Variants in SLC22A25 observed in about 807,000 individuals in gnomAD.
SLC22A25 encodes the protein MGI:2442751, MGI:2385316, MGI:3042283, MGI:3645714, MGI:3605624, MGI:2442750.
In SLC22A25, 44 loss-of-function variants were observed where a neutral mutation model predicts 45.9. That is an observed-to-expected ratio of 0.96 (90% confidence interval 0.75 to 1.23). The LOEUF (loss-of-function observed/expected upper bound fraction) is 1.23, where lower values mean the gene tolerates loss of function less well. SLC22A25 is among the 50% of genes most tolerant of loss of function. The probability of loss-of-function intolerance (pLI) is 0.00; values close to 1 mark genes in which losing one functional copy is unlikely to be tolerated. For missense variants in SLC22A25, 800 were observed against 666.4 expected, an observed-to-expected ratio of 1.20 and a Z score of -2.21; for synonymous variants, 283 against 238.6, an observed-to-expected ratio of 1.19 and a Z score of -1.72.
intron 7 of SLC22A25, among the ~76,000 whole-genome samples, chr11:63,199,149 T>A (rs975118029): frequency 2.6e-5 from 4 of 151,436 alleles, no homozygotes; most frequent in African/African-American, 7.3e-5. Flanking sequence ...TATATATAGA[T>A]CCCTAGCTAG....
At chr11:63,225,577 A>G (rs1445243398) in intron 5 of SLC22A25, among the ~76,000 whole-genome samples, 1 of 152,118 alleles carries the variant, frequency 6.6e-6, no homozygotes, top group Non-Finnish European at 1.5e-5. Flanking sequence ...TCCTTGACCT[A>G]GGGAGTTGGA....
chr11:63,166,290 T>C (rs1365464258), intron 9 of SLC22A25, 32 bp from the exon 10 acceptor site: 6 of 1,609,958 alleles, frequency 3.7e-6, no homozygotes, highest in Non-Finnish European at 4.2e-6. Context: ...GCACATATTA[T>C]AATCTGTGGA....
At chr11:63,218,778 G>A (rs2089783421) in intron 5 of SLC22A25, among the ~76,000 whole-genome samples, 1 of 152,188 alleles carries the variant, frequency 6.6e-6, no homozygotes, top group Admixed American at 6.5e-5. Context: ...ATTATTTTCT[G>A]GGAAAGAGGA....
intron 11 of SLC22A25, 66 bp downstream of exon 11, chr11:63,164,460 G>A (rs1565056853): frequency 1.5e-6 from 2 of 1,362,394 alleles, no homozygotes; most frequent in East Asian, 2.3e-5. Context: ...TTTTTCCCTT[G>A]TTAAGTGTCA....
chr11:63,163,835 A>G lies in SLC22A25; in HGVS notation c.1633T>C (p.Ser545Pro). ...VNSLAAPQRSSVL is the reference protein window; with the variant it reads ...VNSLAAPQRSPVL ...TCCTCAGCACAGACCTATAGCACAG[A>G]GCTCCTCTGAGGGGCAGCTAGGCTA... The change falls in exon 12 of 12, where the codon TCT becomes CCT. Residue 545 changes from serine to proline, a missense_variant. Physicochemically the swap from Ser to Pro is moderately conservative, Grantham distance 74 (BLOSUM62 -1). Coordinates refer to ENST00000306494, the MANE Select transcript of SLC22A25 (RefSeq NM_199352.6). 6.2e-7 allele frequency: 1 copy of G among 1,613,068 alleles called. No individual in the cohort carries two copies. The highest frequency in any genetic ancestry group is 8.5e-7 in the Non-Finnish European group (1 of 1,179,444).
At chr11:63,229,196 T>G (rs1033420706) in intron 4 of SLC22A25, 55 bp downstream of exon 4, 1 of 1,456,968 alleles carries the variant, frequency 6.9e-7, no homozygotes, top group Admixed American at 2.3e-5. Flanking sequence ...TCATTTCTTG[T>G]GTTATTCTAA....
At chr11:63,233,030 G>T (rs1192462500) in intron 3 of SLC22A25, among the ~76,000 whole-genome samples, 5 of 152,226 alleles carry the variant, frequency 3.3e-5, no homozygotes, top group East Asian at 1.9e-4. Context: ...GCTGGATTCG[G>T]TTTGCCAGTA....
intron 7 of SLC22A25, 46 bp from the exon 8 acceptor site, chr11:63,183,863 A>C (rs748805549): frequency 1.7e-5 from 27 of 1,609,148 alleles, no homozygotes; most frequent in Non-Finnish European, 2.3e-5. Context: ...CTACTTACTC[A>C]TTTTTTCACA....
chr11:63,221,309 A>G (rs1433327614), intron 5 of SLC22A25, among the ~76,000 whole-genome samples: 1 of 152,150 alleles, frequency 6.6e-6, no homozygotes, highest in East Asian at 1.9e-4. Context: ...CCTTTTGGAT[A>G]CAAGCGATTT....
intron 3 of SLC22A25, among the ~76,000 whole-genome samples, chr11:63,231,569 T>C (rs982954000): frequency 6.6e-6 from 1 of 152,196 alleles, no homozygotes; most frequent in Admixed American, 6.5e-5. Context: ...ATGAGTAGAT[T>C]GCAAAATTTT....
chr11:63,228,005 T>C (rs1260411752), intron 5 of SLC22A25, among the ~76,000 whole-genome samples: 1 of 152,128 alleles, frequency 6.6e-6, no homozygotes, highest in Non-Finnish European at 1.5e-5. Context: ...TGCTGGGGGA[T>C]GGAGATGGAG....
At chr11:63,225,401 G>A (rs1023667170) in intron 5 of SLC22A25, among the ~76,000 whole-genome samples, 4 of 152,132 alleles carry the variant, frequency 2.6e-5, no homozygotes, top group Admixed American at 6.5e-5. Context: ...GCCAAATATA[G>A]TATTATAGGG....
chr11:63,176,955 C>T (rs1195687025), intron 9 of SLC22A25, among the ~76,000 whole-genome samples: 1 of 151,992 alleles, frequency 6.6e-6, no homozygotes, highest in Non-Finnish European at 1.5e-5. Flanking sequence ...GACAGATTCA[C>T]TCAGTTTTTG....
intron 7 of SLC22A25, 44 bp downstream of exon 7, chr11:63,217,270 A>G (rs761679170): frequency 6.3e-7 from 1 of 1,594,636 alleles, no homozygotes; most frequent in African/African-American, 1.3e-5. Flanking sequence ...GTACATCTGC[A>G]TTCAAGGATG....
At chr11:63,231,982 G>A (rs370377865) in intron 3 of SLC22A25, among the ~76,000 whole-genome samples, 193 of 152,072 alleles carry the variant, frequency 1.3e-3, no homozygotes, top group East Asian at 5.6e-3. Flanking sequence ...GTTCTGTTCC[G>A]TTGGTCTATA....
chr11:63,188,261 G>C (rs113584313), intron 7 of SLC22A25, among the ~76,000 whole-genome samples: 1 of 152,074 alleles, frequency 6.6e-6, no homozygotes, highest in Non-Finnish European at 1.5e-5. Context: ...ACTTCTTCCT[G>C]GTTTAGTCTT....
intron 7 of SLC22A25, among the ~76,000 whole-genome samples, chr11:63,195,851 A>G (rs566101749): frequency 3.2e-4 from 48 of 152,228 alleles, no homozygotes; most frequent in African/African-American, 9.1e-4. Context: ...TAGATAGACC[A>G]CTAGCAGGAC....
At chr11:63,174,192 G>A (rs2088001128) in intron 9 of SLC22A25, among the ~76,000 whole-genome samples, 1 of 152,028 alleles carries the variant, frequency 6.6e-6, no homozygotes, top group East Asian at 1.9e-4. Context: ...GAATGAGATG[G>A]TTTCCAGCTT....
At position 63,202,892 on chromosome 11, in the gene SLC22A25, C is replaced by T. The variant is rs575400030; in HGVS notation, c.830+14422G>A. On this transcript the variant is annotated intron_variant, in intron 7 of 11. Coordinates refer to ENST00000306494, the MANE Select transcript of SLC22A25 (RefSeq NM_199352.6). ...ACTTCCCAGCAGGGGTTGACAGACA[C>T]CTCATACAGGAGAGCTCCAGCTGGC... 1.1e-4 allele frequency among the ~76,000 whole-genome samples: 17 copies of T among 152,296 alleles called. No homozygotes were observed. The South Asian group carries it at 3.3e-3, about 30-fold the overall frequency.
Sources: allele counts gnomAD v4.1 joint callset (sites outside exome capture counted in the v4.1 genomes callset), GRCh38; gene constraint gnomAD v4.1.1; transcripts MANE v1.5; gene names NCBI Gene and HGNC (gene_info 2026-07-23, HGNC 2026-07-21).